The following INSIG2 variants were observed in gnomAD, a reference collection of about 807,000 sequenced individuals.
INSIG2 encodes insulin induced gene 2, also known as insulin-induced gene 2 protein.
INSIG2 carries 10 observed loss-of-function variants against 27.2 expected under a neutral mutation model. The observed-to-expected ratio is 0.37, with a 90% CI of 0.23 to 0.62. The LOEUF is 0.62. INSIG2 is among the 20% of genes least tolerant of loss of function. INSIG2 has a pLI of 0.65. For missense variants in INSIG2, 178 were observed against 270.2 expected, an observed-to-expected ratio of 0.66 and a Z score of 2.39; for synonymous variants, 97 against 95.8, an observed-to-expected ratio of 1.01 and a Z score of -0.07.
intron 1 of INSIG2, among the ~76,000 whole-genome samples, chr2:118,093,808 A>T (rs201537786): frequency 0.018 from 599 of 32,608 alleles, no homozygotes; most frequent in East Asian, 0.1. Flanking sequence ...ATGATGATGA[A>T]GGAGAGTTCT....
At chr2:118,101,477 A>G (rs1678543220) in intron 2 of INSIG2, among the ~76,000 whole-genome samples, 1 of 152,186 alleles carries the variant, frequency 6.6e-6, no homozygotes, top group African/African-American at 2.4e-5. Context: ...CTATGTAATA[A>G]TTCTTTACCT....
intron 3 of INSIG2, among the ~76,000 whole-genome samples, chr2:118,105,020 G>GA (rs1472670039): frequency 3.9e-5 from 6 of 152,082 alleles, no homozygotes; most frequent in Non-Finnish European, 8.8e-5. Context: ...AGGTTACTTA[G>GA]ACTTTACAAA....
rs70949913 is a variant in INSIG2 at position 118,100,373 on chromosome 2, CTTTTTTTTTTT to C, written c.245-2811_245-2801del. Among the ~76,000 whole-genome samples, 3 of 81,502 alleles carry C rather than the reference CTTTTTTTTTTT, an allele frequency of 3.7e-5. No individual in the cohort carries two copies. In the East Asian group the frequency reaches 1.3e-3, roughly 35 times the overall value. 53.5% of individuals were successfully genotyped at this position (81,502 alleles called of 152,430 possible). A position where few individuals can be genotyped will look rare whatever the true frequency, so the allele number is the denominator to read the frequency against. ...TTGGAATCGTATCTTACTCTTTTGC[CTTTTTTTTTTT>C]TTTTTTTTTTTTGAGACGGAGTCTC... is the stretch of plus-strand genomic sequence containing the variant. On this transcript the variant is annotated intron_variant, in intron 2 of 5. Transcript: ENST00000245787.
chr2:118,096,425 TG>T lies in INSIG2; in HGVS notation c.-130del. On this transcript the variant is annotated 5_prime_UTR_variant, in exon 2 of 6. It removes the in-frame stop codon of an upstream open reading frame in the 5' UTR. Coordinates refer to ENST00000245787, the MANE Select transcript of INSIG2 (RefSeq NM_016133.4). ...TTTTTCTTATCTCTTGCAGGATTTCTGGTAGGTCCTACTTTAGGACAAGATG... is the reference window on the plus strand; with the variant it reads ...TTTTTCTTATCTCTTGCAGGATTTCTGTAGGTCCTACTTTAGGACAAGATG... The T allele has an allele frequency of 1.3e-6, 1 of 793,346 alleles. No homozygotes were observed. Among genetic ancestry groups the T allele is most frequent in the Non-Finnish European group, 1.9e-6 (1 of 514,302 alleles). 49.1% of individuals were successfully genotyped at this position (793,346 alleles called of 1,614,324 possible). A position where few individuals can be genotyped will look rare whatever the true frequency, so the allele number is the denominator to read the frequency against.
Position 118,100,488 on chromosome 2 carries a change from C to T in INSIG2, c.245-2709C>T, listed in dbSNP as rs562934489. Among the ~76,000 whole-genome samples, 11 of 146,314 alleles carry T rather than the reference C, an allele frequency of 7.5e-5. No homozygotes were observed. The Admixed American group carries it at 7.9e-4, about 10-fold the overall frequency. ...CCACCTCCCAGCTTCAAGCGATTCTCCTGCCTCAGCCTTCCGAGTAGCTGG... is the reference window on the plus strand; with the variant it reads ...CCACCTCCCAGCTTCAAGCGATTCTTCTGCCTCAGCCTTCCGAGTAGCTGG... On this transcript the variant is annotated intron_variant, in intron 2 of 5. Transcript: ENST00000245787.
At chr2:118,097,434 C>T (rs1029475474) in intron 2 of INSIG2, among the ~76,000 whole-genome samples, 3 of 151,930 alleles carry the variant, frequency 2.0e-5, no homozygotes, top group East Asian at 3.8e-4. Context: ...TGCTTTTTTC[C>T]TTGGTATCTT....
At chr2:118,095,128 G>A (rs1678376558) in intron 1 of INSIG2, among the ~76,000 whole-genome samples, 1 of 152,212 alleles carries the variant, frequency 6.6e-6, no homozygotes, top group African/African-American at 2.4e-5. Flanking sequence ...TAATTAGAAA[G>A]TAGTCATTAT....
In INSIG2 at chr2:118,108,437, T is replaced by C. The variant is rs1022741949; in HGVS notation, c.*115T>C. On this transcript the variant is annotated 3_prime_UTR_variant, in exon 6 of 6. Coordinates refer to ENST00000245787, the MANE Select transcript of INSIG2 (RefSeq NM_016133.4). The stretch of plus-strand genomic sequence containing the variant: ...TGCCAGGATGCAGTTTTCCCCTTGA[T>C]TGGCGTGTGTGTATATATGGATAAA... 46 of 720,500 alleles carry C rather than the reference T, an allele frequency of 6.4e-5. No homozygotes were observed. The African/African-American group carries it at 7.1e-4, about 11-fold the overall frequency. 44.6% of individuals were successfully genotyped at this position (720,500 alleles called of 1,614,324 possible). A position where few individuals can be genotyped will look rare whatever the true frequency, so the allele number is the denominator to read the frequency against.
At chr2:118,105,589 T>C (rs1678654524) in intron 3 of INSIG2, among the ~76,000 whole-genome samples, 3 of 152,198 alleles carry the variant, frequency 2.0e-5, no homozygotes, top group Admixed American at 2.0e-4. Context: ...GTAGGTTTCT[T>C]TTTAAATCAA....
rs779340110 is a variant in INSIG2 at position 118,093,015 on chromosome 2, TGAGGAGGAGGAGGAG to T, written c.-138-3391_-138-3377del. ...GCTAAAAGCAACCAGATGATGATGA[TGAGGAGGAGGAGGAG>T]GAGGAGGAGGAGAGTTCTGTAGCTA... On this transcript the variant is annotated intron_variant, in intron 1 of 5. Transcript: ENST00000245787. Among the ~76,000 whole-genome samples the T allele has an allele frequency of 5.4e-5, 5 of 91,998 alleles. No individual in the cohort carries two copies. In the South Asian group the frequency reaches 1.1e-3, roughly 20 times the overall value. 60.4% of individuals were successfully genotyped at this position (91,998 alleles called of 152,430 possible). A position where few individuals can be genotyped will look rare whatever the true frequency, so the allele number is the denominator to read the frequency against.
Position 118,108,299 on chromosome 2 carries a change from G to C in INSIG2, c.655G>C (p.Ala219Pro). 6.3e-7 allele frequency: 1 copy of C among 1,592,486 alleles called. No homozygotes were observed. The highest frequency in any genetic ancestry group is 8.5e-7 in the Non-Finnish European group (1 of 1,169,950). Residue 219 changes from alanine (A) to proline (P), a missense_variant, in exon 6 of 6, where the codon GCA becomes CCA. Ala to Pro is a conservative substitution (Grantham distance 27). Coordinates refer to ENST00000245787, the MANE Select transcript of INSIG2 (RefSeq NM_016133.4). ...TTTGCAGTACGAATGTAAAGTTATC[G>C]CAGAAAAATCTCATCAGGAATGAAG... ...QLAMYECKVI[A>P]EKSHQE
At chr2:118,093,012 T>G (rs867754361) in intron 1 of INSIG2, among the ~76,000 whole-genome samples, 83 of 136,196 alleles carry the variant, frequency 6.1e-4, no homozygotes, top group African/African-American at 2.2e-3. Flanking sequence ...CAGATGATGA[T>G]GATGAGGAGG....
At chr2:118,093,651 AGATGAT>A (rs202142266) in intron 1 of INSIG2, among the ~76,000 whole-genome samples, 1 of 58,176 alleles carries the variant, frequency 1.7e-5, no homozygotes, top group Admixed American at 2.1e-4. Context: ...AAAAGCAACC[AGATGAT>A]GATGATGAGG....
chr2:118,090,024 C>T (rs1227258683), intron 1 of INSIG2, among the ~76,000 whole-genome samples: 1 of 152,172 alleles, frequency 6.6e-6, no homozygotes, highest in African/African-American at 2.4e-5. Flanking sequence ...TTTTTAACGT[C>T]TCTAGCCCAT....
intron 2 of INSIG2, among the ~76,000 whole-genome samples, chr2:118,100,583 T>C (rs1285525524): frequency 6.6e-6 from 1 of 152,014 alleles, no homozygotes; most frequent in Non-Finnish European, 1.5e-5. Context: ...TTTCACCATG[T>C]TGGCCGGGCT....
In INSIG2 at chr2:118,103,216, C is replaced by T. The variant is rs1678592636; in HGVS notation, c.264C>T (p.Tyr88=). Residue 88 remains tyrosine (Y), a synonymous_variant, in exon 3 of 6, where the codon TAC becomes TAT. Transcript: ENST00000245787. ...GTASAVIGLL[Y]PCIDRHLGEP... Reference sequence around the variant, plus strand: ...CTACAGCTGTGATTGGGTTATTATACCCCTGCATTGACAGACATCTAGGAG... The same window carrying T: ...CTACAGCTGTGATTGGGTTATTATATCCCTGCATTGACAGACATCTAGGAG... 5 of 1,613,158 alleles carry T rather than the reference C, an allele frequency of 3.1e-6. No homozygotes were observed. The East Asian group carries it at 1.1e-4, about 36-fold the overall frequency.
At chr2:118,101,701 T>C (rs1024460875) in intron 2 of INSIG2, among the ~76,000 whole-genome samples, 4 of 152,232 alleles carry the variant, frequency 2.6e-5, no homozygotes, top group Non-Finnish European at 5.9e-5. Flanking sequence ...TATAGAAATT[T>C]TAAAATCCTG....
At chr2:118,106,334 A>C (rs1041253089) in intron 3 of INSIG2, among the ~76,000 whole-genome samples, 1 of 152,244 alleles carries the variant, frequency 6.6e-6, no homozygotes, top group African/African-American at 2.4e-5. Context: ...TGGAGAAGTA[A>C]TATTGGTTTC....
At chr2:118,090,332 A>G (rs1021673720) in intron 1 of INSIG2, among the ~76,000 whole-genome samples, 11 of 152,200 alleles carry the variant, frequency 7.2e-5, no homozygotes, top group Non-Finnish European at 1.5e-5. Flanking sequence ...GTTACAATGC[A>G]ACAGGTTCTT....
Sources: allele counts gnomAD v4.1 joint callset (sites outside exome capture counted in the v4.1 genomes callset), GRCh38; gene constraint gnomAD v4.1.1; transcripts MANE v1.5; gene names NCBI Gene and HGNC (gene_info 2026-07-23, HGNC 2026-07-21).